SORCS2: variants seen among roughly 807,000 people sequenced by gnomAD.
SORCS2 encodes VPS10 domain-containing receptor SorCS2.
SORCS2 carries 100 observed loss-of-function variants against 141.6 expected under a neutral mutation model. The observed-to-expected ratio is 0.71, with a 90% CI of 0.60 to 0.83. The LOEUF is 0.83. Among genes scored for constraint, SORCS2 ranks in the 40% least tolerant of loss-of-function variants. The probability of loss-of-function intolerance (pLI) is 0.00; values close to 1 mark genes in which losing one functional copy is unlikely to be tolerated. For synonymous variants in SORCS2, 789 were observed against 676.9 expected (o/e 1.17, Z -2.57); for missense variants, 1,646 against 1,560.2 (o/e 1.05, Z -0.93).
intron 3 of SORCS2, among the ~76,000 whole-genome samples, chr4:7,548,737 G>A (rs1713460598): frequency 6.6e-6 from 1 of 152,078 alleles, no homozygotes; most frequent in African/African-American, 2.4e-5. Context: ...ACACCCAGTG[G>A]GCTGGCCAGC....
intron 2 of SORCS2, among the ~76,000 whole-genome samples, chr4:7,517,059 C>T (rs1391966342): frequency 1.3e-5 from 2 of 152,198 alleles, no homozygotes; most frequent in African/African-American, 2.4e-5. Flanking sequence ...TGGAAGTCGA[C>T]ACAGGCGTGA....
chr4:7,639,486 ATG>A (rs967943917), intron 4 of SORCS2, among the ~76,000 whole-genome samples: 48 of 138,490 alleles, frequency 3.5e-4, no homozygotes, highest in Middle Eastern at 3.8e-3. Context: ...ATGGGTGTGA[ATG>A]TGTGTGGGGG....
chr4:7,542,868 C>G (rs938477417), intron 3 of SORCS2, among the ~76,000 whole-genome samples: 2 of 152,238 alleles, frequency 1.3e-5, no homozygotes, highest in African/African-American at 4.8e-5. Flanking sequence ...AGCACTGCCT[C>G]TTACGCTCCA....
intron 2 of SORCS2, among the ~76,000 whole-genome samples, chr4:7,405,398 G>A (rs1022885847): frequency 6.8e-6 from 1 of 146,696 alleles, no homozygotes; most frequent in African/African-American, 2.5e-5. Flanking sequence ...AAAATGAGTT[G>A]GTATTTTGGT....
At chr4:7,710,434 A>C (rs757244) in intron 14 of SORCS2, among the ~76,000 whole-genome samples, 1 of 152,194 alleles carries the variant, frequency 6.6e-6, no homozygotes, top group South Asian at 2.1e-4. Flanking sequence ...TGCTGCTGCT[A>C]TACCTTCCAT....
intron 2 of SORCS2, chr4:7,433,983 G>T: frequency 6.2e-7 from 1 of 1,613,770 alleles, no homozygotes; most frequent in Admixed American, 1.7e-5. Context: ...TCTGCACCAC[G>T]TTCATGCACA....
intron 3 of SORCS2, among the ~76,000 whole-genome samples, chr4:7,614,476 A>T (rs1281247723): frequency 1.4e-5 from 2 of 143,640 alleles, no homozygotes; most frequent in Non-Finnish European, 3.0e-5. Context: ...TCCATAACCC[A>T]TCCACGCATC....
At chr4:7,649,555 A>G (rs1457410697) in intron 4 of SORCS2, among the ~76,000 whole-genome samples, 6 of 152,060 alleles carry the variant, frequency 3.9e-5, no homozygotes. Flanking sequence ...CAGCTGGTGC[A>G]GGGTACACAG....
rs552014440 is a variant in SORCS2 at position 7,572,831 on chromosome 4, G to A, written c.648+41202G>A. Among the ~76,000 whole-genome samples the A allele has an allele frequency of 5.3e-5, 8 of 152,244 alleles. No homozygotes were observed. In the South Asian group the frequency reaches 1.2e-3, roughly 24 times the overall value. On this transcript the variant is annotated intron_variant, in intron 3 of 26. Transcript: ENST00000507866. ...TTGGCTAACACATCTGAAGCCCCTT[G>A]GTTTGGAAGACTTTTAAAGAGGTTA... is the stretch of plus-strand genomic sequence containing the variant.
intron 12 of SORCS2, among the ~76,000 whole-genome samples, chr4:7,702,735 A>C (rs1725166300): frequency 6.6e-6 from 1 of 152,246 alleles, no homozygotes; most frequent in African/African-American, 2.4e-5. Context: ...CAGAAGGCTC[A>C]CAAGTGGCCC....
intron 3 of SORCS2, among the ~76,000 whole-genome samples, chr4:7,569,068 C>A (rs1029819245): frequency 6.6e-6 from 1 of 152,198 alleles, no homozygotes; most frequent in African/African-American, 2.4e-5. Flanking sequence ...GTGTGGCAAG[C>A]TACAGGAGCT....
chr4:7,604,478 C>T (rs181685360), intron 3 of SORCS2, among the ~76,000 whole-genome samples: 1,647 of 152,296 alleles, frequency 0.011, 43 homozygotes, highest in African/African-American at 0.038. Context: ...CCACCACGCA[C>T]GGCTCATTTT....
rs546439972 is a variant in SORCS2 at position 7,496,362 on chromosome 4, G to T, written c.549-35168G>T. ...ATTCGCGCCTGGGTCTGACTCCAAG[G>T]CCCTTGCGCTTCCTACCACACCACC... On this transcript the variant is annotated intron_variant, in intron 2 of 26. Coordinates refer to ENST00000507866, the MANE Select transcript of SORCS2 (RefSeq NM_020777.3). Among the ~76,000 whole-genome samples, 3 of 152,084 alleles carry T rather than the reference G, an allele frequency of 2.0e-5. No individual in the cohort carries two copies. The South Asian group carries it at 6.3e-4, about 32-fold the overall frequency.
intron 9 of SORCS2, among the ~76,000 whole-genome samples, chr4:7,678,766 G>A (rs1478482462): frequency 1.3e-5 from 2 of 149,874 alleles, no homozygotes; most frequent in African/African-American, 4.9e-5. Context: ...CATCAAACAT[G>A]GGTCACAGCT....
chr4:7,431,871 T>A (rs1726886623), intron 2 of SORCS2: 1 of 152,128 alleles, frequency 6.6e-6, no homozygotes. Context: ...CCCGCTCACA[T>A]CCCGTCCATC....
At chr4:7,357,414 C>CTG (rs113766393) in intron 1 of SORCS2, among the ~76,000 whole-genome samples, 13 of 152,310 alleles carry the variant, frequency 8.5e-5, no homozygotes, top group African/African-American at 2.9e-4. Context: ...TTGTCTGAGA[C>CTG]TGGGAACGTT....
At chr4:7,412,314 G>A (rs1424489221) in intron 2 of SORCS2, among the ~76,000 whole-genome samples, 1 of 152,176 alleles carries the variant, frequency 6.6e-6, no homozygotes, top group Non-Finnish European at 1.5e-5. Context: ...AGCAAACTGG[G>A]GCAGAAAGGG....
intron 20 of SORCS2, 66 bp downstream of exon 20, chr4:7,725,353 C>A: frequency 6.5e-7 from 1 of 1,544,712 alleles, no homozygotes. Context: ...CACAGTGGGG[C>A]AGAGCATGGC....
chr4:7,534,477 C>T (rs374304557), intron 3 of SORCS2, among the ~76,000 whole-genome samples: 7 of 152,344 alleles, frequency 4.6e-5, no homozygotes, highest in South Asian at 4.1e-4. Context: ...GTCCCAGTCC[C>T]GACCCCTGGA....
Sources: allele counts gnomAD v4.1 joint callset (sites outside exome capture counted in the v4.1 genomes callset), GRCh38; gene constraint gnomAD v4.1.1; transcripts MANE v1.5; gene names NCBI Gene and HGNC (gene_info 2026-07-23, HGNC 2026-07-21).